PEX5L: variants seen among roughly 807,000 people sequenced by gnomAD.
PEX5L encodes peroxisomal biogenesis factor 5 like, also known as PEX5-related protein.
Under a neutral mutation model 84.0 loss-of-function variants are expected in PEX5L, and 30 were observed. The observed-to-expected ratio is 0.36, with a 90% CI of 0.27 to 0.48. PEX5L has a LOEUF of 0.48. Ranked by LOEUF, PEX5L falls within the 20% of genes least tolerant of loss-of-function variation. The pLI is 0.99. For synonymous variants in PEX5L, 270 were observed against 283.1 expected (o/e 0.95, Z 0.46); for missense variants, 533 against 754.6 (o/e 0.71, Z 3.44).
In PEX5L at chr3:179,807,682, G is replaced by A. The variant is rs372608488; in HGVS notation, c.1668C>T (p.Gly556=). ...CTGTTGCTGTACTTCACCTGTAGGC[G>A]CCCAGGTTGATGCAGCTTATTCCTA... is the stretch of plus-strand genomic sequence containing the variant. ...YNLGISCINL[G]AYREAVSNFL... The change falls in exon 14 of 15, where the codon GGC becomes GGT. Residue 556 remains glycine (G), a synonymous_variant. Transcript: ENST00000467460. 13 of 1,613,586 alleles carry A rather than the reference G, an allele frequency of 8.1e-6. No individual in the cohort carries two copies. Among genetic ancestry groups the A allele is most frequent in the African/African-American group, 5.3e-5 (4 of 74,920 alleles).
intron 5 of PEX5L, among the ~76,000 whole-genome samples, chr3:179,877,877 A>G (rs1752949342): frequency 1.3e-5 from 2 of 152,206 alleles, no homozygotes. Flanking sequence ...CCAAAGACAG[A>G]CCTCAAAGAG....
At chr3:179,802,160 G>A (rs760252976) in intron 14 of PEX5L, 128 bp from the exon 15 acceptor site, 14 of 672,134 alleles carry the variant, frequency 2.1e-5, no homozygotes, top group Non-Finnish European at 3.7e-5. Flanking sequence ...ACGTGTTCTG[G>A]ATGATCAAAT....
At chr3:179,932,708 G>T (rs1773431632) in intron 2 of PEX5L, among the ~76,000 whole-genome samples, 1 of 151,926 alleles carries the variant, frequency 6.6e-6, no homozygotes, top group South Asian at 2.1e-4. Flanking sequence ...AGTAATTCAT[G>T]GCCCCAGACT....
chr3:179,996,809 G>A (rs115728040), intron 1 of PEX5L, among the ~76,000 whole-genome samples: 6,210 of 152,258 alleles, frequency 0.041, 420 homozygotes, highest in African/African-American at 0.14. Context: ...CAAGGTGGGC[G>A]TAGCTACTGT....
chr3:179,899,349 T>C (rs920691601), intron 2 of PEX5L, among the ~76,000 whole-genome samples: 6 of 152,192 alleles, frequency 3.9e-5, no homozygotes, highest in African/African-American at 1.4e-4. Flanking sequence ...TAAGAAAAGA[T>C]ATGAATATTT....
intron 8 of PEX5L, among the ~76,000 whole-genome samples, chr3:179,825,901 C>T (rs150185456): frequency 4.6e-5 from 7 of 152,122 alleles, no homozygotes; most frequent in African/African-American, 7.2e-5. Context: ...ATAATATTTC[C>T]CAGGATACAG....
intron 10 of PEX5L, 91 bp from the exon 11 acceptor site, chr3:179,811,962 T>C: frequency 1.0e-6 from 1 of 966,546 alleles, no homozygotes; most frequent in Non-Finnish European, 1.7e-6. Flanking sequence ...GGATCCCCTA[T>C]GCAGAGCAAG....
intron 1 of PEX5L, among the ~76,000 whole-genome samples, chr3:180,023,600 C>G (rs1414581371): frequency 3.3e-5 from 5 of 152,074 alleles, no homozygotes; most frequent in African/African-American, 4.8e-5. Flanking sequence ...AATTAGAGGC[C>G]TGATAATAAT....
chr3:179,832,845 C>G (rs1412642947), intron 8 of PEX5L, among the ~76,000 whole-genome samples: 3 of 152,086 alleles, frequency 2.0e-5, no homozygotes, highest in Non-Finnish European at 4.4e-5. Context: ...ACCCACCTAC[C>G]TACCTACCCA....
At chr3:179,805,084 A>C (rs1053636892) in intron 14 of PEX5L, among the ~76,000 whole-genome samples, 28 of 147,028 alleles carry the variant, frequency 1.9e-4, no homozygotes, top group Admixed American at 3.5e-4. Flanking sequence ...GCACCACTGC[A>C]CTCCAGCCTG....
chr3:179,970,147 GA>G (rs1289799029), intron 2 of PEX5L, among the ~76,000 whole-genome samples: 9 of 151,924 alleles, frequency 5.9e-5, no homozygotes, highest in East Asian at 3.9e-4. Flanking sequence ...TAAATAAGAA[GA>G]AAAAAAGAAT....
At chr3:179,857,792 A>G (rs916212625) in intron 8 of PEX5L, among the ~76,000 whole-genome samples, 1 of 152,240 alleles carries the variant, frequency 6.6e-6, no homozygotes, top group Non-Finnish European at 1.5e-5. Flanking sequence ...TAACTTTGGA[A>G]AACCTACATT....
intron 1 of PEX5L, among the ~76,000 whole-genome samples, chr3:180,007,777 C>T (rs1305322683): frequency 1.3e-5 from 2 of 152,242 alleles, no homozygotes; most frequent in Non-Finnish European, 2.9e-5. Context: ...CCTAGCTGTA[C>T]ATTGACCTCT....
chr3:179,907,776 T>C (rs1763775341), intron 2 of PEX5L, among the ~76,000 whole-genome samples: 2 of 152,174 alleles, frequency 1.3e-5, no homozygotes, highest in Admixed American at 6.5e-5. Flanking sequence ...TTCACCCCCT[T>C]TATGAATGTT....
intron 3 of PEX5L, chr3:179,895,465 G>A (rs986244769): frequency 6.6e-6 from 1 of 152,074 alleles, no homozygotes; most frequent in East Asian, 1.9e-4. Flanking sequence ...TTTGATTTAA[G>A]TGTTAGTCTT....
At chr3:179,835,112 T>C (rs976580074) in intron 8 of PEX5L, among the ~76,000 whole-genome samples, 1 of 152,174 alleles carries the variant, frequency 6.6e-6, no homozygotes, top group African/African-American at 2.4e-5. Flanking sequence ...GCTATGTTCT[T>C]AGACTATGAA....
At chr3:179,869,915 T>C (rs548555765) in intron 7 of PEX5L, among the ~76,000 whole-genome samples, 3 of 152,248 alleles carry the variant, frequency 2.0e-5, no homozygotes, top group Non-Finnish European at 4.4e-5. Context: ...TTACATATTT[T>C]AAGTTCAGCC....
chr3:179,867,529 G>A (rs997161756), intron 7 of PEX5L, among the ~76,000 whole-genome samples: 1 of 152,070 alleles, frequency 6.6e-6, no homozygotes, highest in African/African-American at 2.4e-5. Flanking sequence ...CTCACTGTGT[G>A]TGGCCTGGAG....
chr3:180,014,838 T>C lies in PEX5L; in HGVS notation c.21+21741A>G, dbSNP rs114797523. ...CCCGAAATCTGAATTGGGATTATTA[T>C]GGTGATTTCGATCTTGCAATTGCAG... On this transcript the variant is annotated intron_variant, in intron 1 of 14. Transcript: ENST00000467460. Among the ~76,000 whole-genome samples, 971 of 152,278 alleles carry C rather than the reference T, an allele frequency of 6.4e-3. 9 individuals are homozygous for C. The highest frequency in any genetic ancestry group is 0.022 in the African/African-American group (933 of 41,546).
Sources: allele counts gnomAD v4.1 joint callset (sites outside exome capture counted in the v4.1 genomes callset), GRCh38; gene constraint gnomAD v4.1.1; transcripts MANE v1.5; gene names NCBI Gene and HGNC (gene_info 2026-07-23, HGNC 2026-07-21).